Variants in CACNA2D3 observed in about 807,000 individuals in gnomAD.
CACNA2D3 encodes calcium voltage-gated channel auxiliary subunit alpha2delta 3, also known as voltage-dependent calcium channel subunit alpha-2/delta-3.
In CACNA2D3, 60 loss-of-function variants were observed where a neutral mutation model predicts 160.6. The ratio of observed to expected loss-of-function variants is 0.37; its 90% CI spans 0.30 to 0.46. The LOEUF is 0.46. Among genes scored for constraint, CACNA2D3 ranks in the 20% least tolerant of loss-of-function variants. The pLI, the probability that CACNA2D3 is intolerant of heterozygous loss-of-function variation, is 1.00. For synonymous variants in CACNA2D3, 558 were observed against 492.9 expected, an observed-to-expected ratio of 1.13 and a Z score of -1.75; for missense variants, 1,205 against 1,365.0, an observed-to-expected ratio of 0.88 and a Z score of 1.85.
Position 54,885,503 on chromosome 3 carries a change from C to G in CACNA2D3, c.1973C>G (p.Thr658Ser). The G allele has an allele frequency of 6.2e-7, 1 of 1,613,400 alleles. No homozygotes were observed. Among genetic ancestry groups the G allele is most frequent in the East Asian group, 2.2e-5 (1 of 44,846 alleles). ...CATGTTCTTAGGTCCTACTGCAACACTGACCTACACCCTGAGCACCGCCAT... is the reference window on the plus strand; with the variant it reads ...CATGTTCTTAGGTCCTACTGCAACAGTGACCTACACCCTGAGCACCGCCAT... ...SLADEWSYCN[T>S]DLHPEHRHLS... Residue 658 changes from threonine (T) to serine (S), a missense_variant, in exon 23 of 38, where the codon ACT becomes AGT. This residue lies in a region of CACNA2D3 where 911 missense variants were observed against 1,002.2 expected (regional missense o/e 0.91). Coordinates refer to ENST00000474759, the MANE Select transcript of CACNA2D3 (RefSeq NM_018398.3).
At chr3:54,859,671 G>T (rs1009096607) in intron 17 of CACNA2D3, among the ~76,000 whole-genome samples, 1 of 151,958 alleles carries the variant, frequency 6.6e-6, no homozygotes, top group African/African-American at 2.4e-5. Context: ...CCACTTCTGT[G>T]TGCCAGCTAA....
At chr3:54,495,506 TGGGA>T (rs1334948372) in intron 4 of CACNA2D3, among the ~76,000 whole-genome samples, 2 of 152,134 alleles carry the variant, frequency 1.3e-5, no homozygotes, top group African/African-American at 4.8e-5. Flanking sequence ...CCCAGCACTT[TGGGA>T]GGCTGAAGAG....
chr3:54,494,431 C>T (rs540008537), intron 4 of CACNA2D3, among the ~76,000 whole-genome samples: 3 of 152,296 alleles, frequency 2.0e-5, no homozygotes, highest in Non-Finnish European at 2.9e-5. Flanking sequence ...ATTTCATCTG[C>T]ATTCTGGGCA....
rs866003980 is a variant in CACNA2D3 at position 54,226,476 on chromosome 3, A to G, written c.205-93966A>G. 3.3e-5 allele frequency among the ~76,000 whole-genome samples: 5 copies of G among 151,644 alleles called. No homozygotes were observed. In the South Asian group the frequency reaches 8.3e-4, roughly 25 times the overall value. On this transcript the variant is annotated intron_variant, in intron 2 of 37. Coordinates refer to ENST00000474759, the MANE Select transcript of CACNA2D3 (RefSeq NM_018398.3). Reference sequence around the variant, plus strand: ...TGCCACCACGTCCAGCTAATTTTTTATTTTTTGTTGAGACAAGGGTCTTGA... The same window carrying G: ...TGCCACCACGTCCAGCTAATTTTTTGTTTTTTGTTGAGACAAGGGTCTTGA...
At chr3:54,481,489 C>G (rs909486237) in intron 4 of CACNA2D3, among the ~76,000 whole-genome samples, 5 of 152,152 alleles carry the variant, frequency 3.3e-5, no homozygotes, top group Non-Finnish European at 5.9e-5. Flanking sequence ...GCTTCTCTGG[C>G]AAAGATCAAA....
intron 16 of CACNA2D3, among the ~76,000 whole-genome samples, chr3:54,845,489 A>G (rs1353562178): frequency 6.6e-6 from 1 of 152,074 alleles, no homozygotes; most frequent in Non-Finnish European, 1.5e-5. Context: ...ACTGGGTTAC[A>G]TTTTCTTTCT....
At chr3:54,896,152 A>G (rs1045492530) in intron 25 of CACNA2D3, among the ~76,000 whole-genome samples, 1 of 152,142 alleles carries the variant, frequency 6.6e-6, no homozygotes, top group Non-Finnish European at 1.5e-5. Flanking sequence ...CCGATAGACA[A>G]GCTCTCTGCG....
At chr3:54,259,516 C>A (rs886205286) in intron 2 of CACNA2D3, among the ~76,000 whole-genome samples, 5 of 152,120 alleles carry the variant, frequency 3.3e-5, no homozygotes, top group African/African-American at 1.2e-4. Flanking sequence ...TTCATTTCTG[C>A]TGGATGGAGA....
At chr3:54,422,283 G>A (rs1436190889) in intron 4 of CACNA2D3, among the ~76,000 whole-genome samples, 2 of 152,232 alleles carry the variant, frequency 1.3e-5, no homozygotes, top group Non-Finnish European at 2.9e-5. Context: ...ATAGCAAATT[G>A]GAGTTTGTGT....
At chr3:54,374,587 G>T (rs938400542) in intron 3 of CACNA2D3, among the ~76,000 whole-genome samples, 1 of 152,162 alleles carries the variant, frequency 6.6e-6, no homozygotes. Context: ...ATACCTGCTA[G>T]CCCTTCTTTC....
chr3:54,373,047 C>G (rs1698953384), intron 3 of CACNA2D3, among the ~76,000 whole-genome samples: 1 of 152,180 alleles, frequency 6.6e-6, no homozygotes, highest in Non-Finnish European at 1.5e-5. Flanking sequence ...CCCTCACTGC[C>G]CCATGTTTCA....
intron 16 of CACNA2D3, among the ~76,000 whole-genome samples, chr3:54,845,706 C>T (rs1698917274): frequency 6.6e-6 from 1 of 152,236 alleles, no homozygotes; most frequent in Admixed American, 6.5e-5. Flanking sequence ...TGCTCACAAA[C>T]TATTTCCCAT....
intron 35 of CACNA2D3, among the ~76,000 whole-genome samples, chr3:55,024,549 C>A (rs1160482351): frequency 3.9e-5 from 6 of 152,100 alleles, no homozygotes; most frequent in African/African-American, 1.2e-4. Context: ...GACCTTCCAT[C>A]ATGTAAAGAC....
chr3:54,194,300 A>G (rs973742094), intron 2 of CACNA2D3, among the ~76,000 whole-genome samples: 1 of 152,238 alleles, frequency 6.6e-6, no homozygotes, highest in Non-Finnish European at 1.5e-5. Flanking sequence ...TGATCCTTAC[A>G]CATTCTATGC....
chr3:54,736,052 C>CAT (rs201221924), intron 11 of CACNA2D3, among the ~76,000 whole-genome samples: 10,895 of 44,720 alleles, frequency 0.24, 2,257 homozygotes, highest in African/African-American at 0.33. Flanking sequence ...TATACACATA[C>CAT]ATATGTATGT....
chr3:54,390,624 G>A (rs1250588728), intron 4 of CACNA2D3, among the ~76,000 whole-genome samples: 1 of 152,186 alleles, frequency 6.6e-6, no homozygotes. Context: ...ATGCACTTTG[G>A]TGGAGACCTG....
chr3:55,004,898 A>G (rs1703058570), intron 32 of CACNA2D3, 60 bp downstream of exon 32: 3 of 1,157,482 alleles, frequency 2.6e-6, no homozygotes, highest in East Asian at 2.4e-5. Flanking sequence ...TCCCTGTCTG[A>G]GTGTTATCTT....
rs1703647499 is a variant in CACNA2D3, at chr3:54,822,779, TTTCTTTCTTTCCTTTCTTTCTTTC to T, written c.1398+5912_1398+5935del. Among the ~76,000 whole-genome samples, 5 of 87,954 alleles carry T rather than the reference TTTCTTTCTTTCCTTTCTTTCTTTC, an allele frequency of 5.7e-5. 1 individual carries two copies. The highest frequency in any genetic ancestry group is 2.2e-4 in the African/African-American group (5 of 22,482). 57.7% of individuals were successfully genotyped at this position (87,954 alleles called of 152,430 possible). A position where few individuals can be genotyped will look rare whatever the true frequency, so the allele number is the denominator to read the frequency against. ...CTTTCTTTCTTTCTTTCTTTCTTTCTTTCTTTCTTTCCTTTCTTTCTTTCTTTCTTTCTTTCTTTCTTTCTTTCT... is the reference window on the plus strand; with the variant it reads ...CTTTCTTTCTTTCTTTCTTTCTTTCTTTTCTTTCTTTCTTTCTTTCTTTCT... On this transcript the variant is annotated intron_variant, in intron 14 of 37. Transcript: ENST00000474759.
At chr3:54,465,207 C>G (rs1214304282) in intron 4 of CACNA2D3, among the ~76,000 whole-genome samples, 2 of 151,770 alleles carry the variant, frequency 1.3e-5, no homozygotes, top group Non-Finnish European at 2.9e-5. Context: ...TTAATGAAAT[C>G]TAAATCATTG....
Sources: allele counts gnomAD v4.1 joint callset (sites outside exome capture counted in the v4.1 genomes callset), GRCh38; gene constraint gnomAD v4.1.1; regional missense constraint gnomAD v4.1.1; transcripts MANE v1.5; gene names NCBI Gene and HGNC (gene_info 2026-07-23, HGNC 2026-07-21).